Variants in MLIP observed in about 807,000 individuals in gnomAD.
The protein encoded by MLIP is muscular LMNA-interacting protein.
Under a neutral mutation model 84.8 loss-of-function variants are expected in MLIP, and 79 were observed. The ratio of observed to expected loss-of-function variants is 0.93; its 90% CI spans 0.78 to 1.12. The LOEUF (loss-of-function observed/expected upper bound fraction) is 1.12, where lower values mean the gene tolerates loss of function less well. Ranked by LOEUF, MLIP falls within the 50% of genes most tolerant of loss-of-function variation. The pLI is 0.00. For synonymous variants in MLIP, 504 were observed against 463.0 expected (o/e 1.09, Z -1.14); for missense variants, 1,257 against 1,160.6 (o/e 1.08, Z -1.21).
chr6:54,187,894 G>A (rs1360108847), intron 9 of MLIP, among the ~76,000 whole-genome samples: 2 of 152,074 alleles, frequency 1.3e-5, no homozygotes, highest in Non-Finnish European at 2.9e-5. Context: ...GTACTCTCAG[G>A]TATTCCGGAG....
intron 5 of MLIP, among the ~76,000 whole-genome samples, chr6:54,149,515 T>C (rs556310747): frequency 1.3e-5 from 2 of 152,166 alleles, no homozygotes; most frequent in Non-Finnish European, 2.9e-5. Context: ...TTGTGAACAG[T>C]TGGCCACCTT....
intron 1 of MLIP, among the ~76,000 whole-genome samples, chr6:54,096,032 A>C (rs1768188377): frequency 6.6e-6 from 1 of 152,186 alleles, no homozygotes; most frequent in South Asian, 2.1e-4. Flanking sequence ...TGTTCTGCAC[A>C]ACAAAAAACT....
At chr6:54,186,810 T>TG (rs1777440926) in intron 9 of MLIP, among the ~76,000 whole-genome samples, 2 of 151,940 alleles carry the variant, frequency 1.3e-5, no homozygotes, top group Non-Finnish European at 2.9e-5. Context: ...ACGATTTGGG[T>TG]GGGGACACAA....
intron 1 of MLIP, among the ~76,000 whole-genome samples, chr6:54,052,076 T>C (rs1280427227): frequency 6.6e-6 from 1 of 152,144 alleles, no homozygotes; most frequent in Non-Finnish European, 1.5e-5. Context: ...TTGGCCTCAC[T>C]CTTAGTCAGG....
At chr6:54,102,370 A>C (rs1218949549) in intron 1 of MLIP, among the ~76,000 whole-genome samples, 1 of 152,136 alleles carries the variant, frequency 6.6e-6, no homozygotes, top group Admixed American at 6.6e-5. Flanking sequence ...TAAGTGTTTG[A>C]GGTAGCCATG....
At chr6:54,090,182 A>G (rs937302951) in intron 1 of MLIP, among the ~76,000 whole-genome samples, 1 of 152,130 alleles carries the variant, frequency 6.6e-6, no homozygotes, top group Non-Finnish European at 1.5e-5. Flanking sequence ...ATCAGAGGGA[A>G]TTTGATGCTG....
intron 1 of MLIP, among the ~76,000 whole-genome samples, chr6:54,095,100 C>T (rs945459730): frequency 8.5e-5 from 13 of 152,116 alleles, no homozygotes; most frequent in Non-Finnish European, 1.5e-4. Context: ...AAGTAGCTAT[C>T]GTCATAGCAG....
intron 10 of MLIP, among the ~76,000 whole-genome samples, chr6:54,190,829 T>C (rs1777841546): frequency 6.7e-6 from 1 of 148,658 alleles, no homozygotes; most frequent in Non-Finnish European, 1.5e-5. Flanking sequence ...GGAGTCTCGC[T>C]CTGTCGGCGA....
intron 13 of MLIP, among the ~76,000 whole-genome samples, chr6:54,259,009 CTT>C (rs146193343): frequency 0.13 from 19,075 of 151,834 alleles, 1,375 homozygotes; most frequent in African/African-American, 0.18. Flanking sequence ...AATTCTTTCT[CTT>C]TTAAAATCAC....
chr6:54,042,136 G>A (rs1337909231), intron 1 of MLIP, among the ~76,000 whole-genome samples: 1 of 152,092 alleles, frequency 6.6e-6, no homozygotes, highest in Non-Finnish European at 1.5e-5. Context: ...AGTTCCCCAA[G>A]AGTTTTACTC....
intron 12 of MLIP, among the ~76,000 whole-genome samples, chr6:54,231,751 A>G (rs1444844371): frequency 6.6e-6 from 1 of 152,212 alleles, no homozygotes; most frequent in African/African-American, 2.4e-5. Flanking sequence ...TCTACAAGGT[A>G]TCTACCTCCA....
intron 8 of MLIP, among the ~76,000 whole-genome samples, chr6:54,161,197 A>G (rs2150564890): frequency 6.6e-6 from 1 of 152,086 alleles, no homozygotes; most frequent in East Asian, 1.9e-4. Flanking sequence ...ATAGCCACTT[A>G]AAAATAGAGA....
In MLIP at chr6:54,086,065, T is replaced by C. The variant is rs139113068; in HGVS notation, c.64-35382T>C. ...CGTATGTCCTGGAATAACTGAACTATTGGTTATTTTCTATAAATACTCCAT... is the reference window on the plus strand; with the variant it reads ...CGTATGTCCTGGAATAACTGAACTACTGGTTATTTTCTATAAATACTCCAT... On this transcript the variant is annotated intron_variant, in intron 1 of 12. Transcript: ENST00000274897. Among the ~76,000 whole-genome samples, 521 of 152,290 alleles carry C rather than the reference T, an allele frequency of 3.4e-3. 3 individuals are homozygous for C. The highest frequency in any genetic ancestry group is 0.012 in the African/African-American group (491 of 41,574).
chr6:54,203,440 ATAAC>A (rs924097281), intron 11 of MLIP, among the ~76,000 whole-genome samples: 7 of 152,024 alleles, frequency 4.6e-5, no homozygotes, highest in South Asian at 2.1e-4. Context: ...TTTGAAAATA[ATAAC>A]TAACAATATT....
intron 11 of MLIP, among the ~76,000 whole-genome samples, chr6:54,219,192 G>C (rs138654076): frequency 6.6e-6 from 1 of 151,216 alleles, no homozygotes; most frequent in Non-Finnish European, 1.5e-5. Flanking sequence ...GGGACAGAGC[G>C]AGACTCCGTC....
chr6:54,245,727 T>G (rs1228928876), intron 12 of MLIP, among the ~76,000 whole-genome samples: 1 of 152,174 alleles, frequency 6.6e-6, no homozygotes, highest in East Asian at 1.9e-4. Flanking sequence ...TTCAATAGCT[T>G]TTTACCTACA....
chr6:54,051,352 C>A (rs1361068774), intron 1 of MLIP, among the ~76,000 whole-genome samples: 3 of 151,950 alleles, frequency 2.0e-5, no homozygotes, highest in African/African-American at 7.2e-5. Flanking sequence ...TATGCCACTT[C>A]AAATATTAAT....
At chr6:54,181,248 C>T (rs1461612531) in intron 9 of MLIP, among the ~76,000 whole-genome samples, 1 of 152,188 alleles carries the variant, frequency 6.6e-6, no homozygotes, top group East Asian at 1.9e-4. Flanking sequence ...CTCTTCCCTC[C>T]CCTTTCCACA....
chr6:54,019,803 A>C (rs1030349433), intron 1 of MLIP, among the ~76,000 whole-genome samples: 2 of 152,142 alleles, frequency 1.3e-5, no homozygotes, highest in East Asian at 1.9e-4. Context: ...TATAGCCCAT[A>C]ATAAGACCAA....
Sources: allele counts gnomAD v4.1 joint callset (sites outside exome capture counted in the v4.1 genomes callset), GRCh38; gene constraint gnomAD v4.1.1; transcripts MANE v1.5; gene names NCBI Gene and HGNC (gene_info 2026-07-23, HGNC 2026-07-21).